The following HCN2 variants were observed in gnomAD, a reference collection of about 807,000 sequenced individuals.
HCN2 encodes potassium/sodium hyperpolarization-activated cyclic nucleotide-gated channel 2.
HCN2 carries 20 observed loss-of-function variants against 52.3 expected under a neutral mutation model. The ratio of observed to expected loss-of-function variants is 0.38; its 90% CI spans 0.27 to 0.56. HCN2 has a LOEUF of 0.56. Among genes scored for constraint, HCN2 ranks in the 20% least tolerant of loss-of-function variants. The pLI is 0.71. For missense variants in HCN2, 981 were observed against 1,207.7 expected (o/e 0.81, Z 2.78); for synonymous variants, 694 against 537.0 (o/e 1.29, Z -4.04).
chr19:612,382 A>C (rs983047782), intron 5 of HCN2, among the ~76,000 whole-genome samples: 2 of 127,484 alleles, frequency 1.6e-5, no homozygotes, highest in Non-Finnish European at 3.4e-5. Flanking sequence ...GACCGAATGT[A>C]GCTTTCCACT....
At position 603,722 on chromosome 19, in the gene HCN2, G is replaced by A. The variant is rs766829743; in HGVS notation, c.811G>A (p.Asp271Asn). The A allele has an allele frequency of 6.2e-7, 1 of 1,612,856 alleles. No homozygotes were observed. The highest frequency in any genetic ancestry group is 1.7e-5 in the Admixed American group (1 of 59,994). ...LNFRTGIVIE[D>N]NTEIILDPEK... ...CTTCCGCACCGGCATTGTGATCGAG[G>A]ACAACACGGAGATCATCCTGGACCC... Residue 271 changes from aspartate (D) to asparagine (N), a missense_variant, in exon 2 of 8, where the codon GAC becomes AAC. Asp to Asn is a conservative substitution (Grantham distance 23). Coordinates refer to ENST00000251287, the MANE Select transcript of HCN2 (RefSeq NM_001194.4).
rs1156621709 is a variant in HCN2, at chr19:590,184, G to C, written c.239G>C (p.Ser80Thr). Residue 80 changes from serine to threonine, a missense_variant, in exon 1 of 8, where the codon AGC (serine) becomes ACC (threonine). Coordinates refer to ENST00000251287, the MANE Select transcript of HCN2 (RefSeq NM_001194.4). This position sits in a 1 kb window ranked among gnomAD's most constrained non-coding sequence, Gnocchi z 7.2. ...CGGGGCCGGCTCCGCAGCCGCGACAGCTCGTGCGGCCGCCCCGGCACCCCG... is the reference window on the plus strand; with the variant it reads ...CGGGGCCGGCTCCGCAGCCGCGACACCTCGTGCGGCCGCCCCGGCACCCCG... ...GPRGRLRSRD[S>T]SCGRPGTPGA... The C allele has an allele frequency of 3.1e-6, 3 of 981,170 alleles. No homozygotes were observed. The highest frequency in any genetic ancestry group is 1.2e-6 in the Non-Finnish European group (1 of 829,404). The allele number at this position is 981,170 out of a possible 1,614,324, so 60.8% of individuals were successfully genotyped here. A position where few individuals can be genotyped will look rare whatever the true frequency, so the allele number is the denominator to read the frequency against.
chr19:609,115 C>T (rs1054028456), intron 4 of HCN2, among the ~76,000 whole-genome samples: 5 of 152,204 alleles, frequency 3.3e-5, no homozygotes, highest in African/African-American at 4.8e-5. Flanking sequence ...CCGTGCCAGG[C>T]GCCCTGCTGT....
intron 3 of HCN2, 150 bp from the exon 4 acceptor site, chr19:607,814 C>T (rs923867064): frequency 1.6e-6 from 1 of 623,080 alleles, no homozygotes; most frequent in Non-Finnish European, 2.9e-6. Context: ...ATGTCATCTA[C>T]CTGGGTCTCC....
At position 591,052 on chromosome 19, in the gene HCN2, C is replaced by T. The variant is rs1309920013; in HGVS notation, c.632+475C>T. On this transcript the variant is annotated intron_variant, in intron 1 of 7. Coordinates refer to ENST00000251287, the MANE Select transcript of HCN2 (RefSeq NM_001194.4). This position sits in a 1 kb window ranked among gnomAD's most constrained non-coding sequence, Gnocchi z 4.1. Reference sequence around the variant, plus strand: ...GCCTGCGAGGAGGCGCGCCCGGGGCCGCGGGCCTGGAAAGCGTGCGGGTCC... The same window carrying T: ...GCCTGCGAGGAGGCGCGCCCGGGGCTGCGGGCCTGGAAAGCGTGCGGGTCC... 1.3e-5 allele frequency: 2 copies of T among 152,118 alleles called. No individual in the cohort carries two copies. The highest frequency in any genetic ancestry group is 2.9e-5 in the Non-Finnish European group (2 of 68,024). The allele number at this position is 152,118 out of a possible 1,614,324, so 9.4% of individuals were successfully genotyped here.
intron 7 of HCN2, among the ~76,000 whole-genome samples, chr19:615,225 T>A (rs1432342032): frequency 6.6e-6 from 1 of 150,590 alleles, no homozygotes; most frequent in Admixed American, 6.6e-5. Context: ...AATACCTGTT[T>A]ACTGCCAGGC....
intron 7 of HCN2, among the ~76,000 whole-genome samples, chr19:615,275 C>A (rs1489595890): frequency 1.3e-5 from 2 of 151,978 alleles, no homozygotes; most frequent in East Asian, 1.9e-4. Flanking sequence ...TTTCGGAGGC[C>A]AAGGTGGGTG....
rs1276999935 is a variant in HCN2, at chr19:613,578, CGGGGATGGGGATGGGGATGGGGATGG to C, written c.1825+93_1825+118del. On this transcript the variant is annotated intron_variant, in intron 6 of 7. Coordinates refer to ENST00000251287, the MANE Select transcript of HCN2 (RefSeq NM_001194.4). ...AGGGGGCCGGGGCCGGGGCCGGGGC[CGGGGATGGGGATGGGGATGGGGATGG>C]GGCCGGGGATGGGGATGGGGATGGG... The C allele has an allele frequency of 2.7e-5, 6 of 219,544 alleles. 1 individual carries two copies. Among genetic ancestry groups the C allele is most frequent in the Admixed American group, 1.6e-4 (2 of 12,332 alleles). The allele number at this position is 219,544 out of a possible 1,614,324, so 13.6% of individuals were successfully genotyped here.
At chr19:615,579 T>C (rs1018572826) in intron 7 of HCN2, among the ~76,000 whole-genome samples, 19 of 152,100 alleles carry the variant, frequency 1.2e-4, no homozygotes, top group Non-Finnish European at 2.8e-4. Flanking sequence ...TGGCTGTGCA[T>C]AGCAGGTGCT....
At chr19:604,503 G>A (rs932667709) in intron 2 of HCN2, among the ~76,000 whole-genome samples, 5 of 146,506 alleles carry the variant, frequency 3.4e-5, no homozygotes, top group East Asian at 2.2e-4. Flanking sequence ...ATCTGGGTGG[G>A]GTCAAGGAGC....
At chr19:613,738 C>T (rs1247522930) in intron 6 of HCN2, 114 bp from the exon 7 acceptor site, 2 of 1,036,034 alleles carry the variant, frequency 1.9e-6, no homozygotes, top group African/African-American at 2.1e-5. Flanking sequence ...CAGGGAGAGC[C>T]TGGGTGGGAA....
At chr19:606,011 TATG>T (rs958277168) in intron 3 of HCN2, among the ~76,000 whole-genome samples, 4 of 152,220 alleles carry the variant, frequency 2.6e-5, no homozygotes, top group African/African-American at 7.2e-5. Context: ...TGAGTGTGGT[TATG>T]ATGAGTCCTG....
At chr19:603,316 A>G (rs370070268) in intron 1 of HCN2, among the ~76,000 whole-genome samples, 42 of 29,876 alleles carry the variant, frequency 1.4e-3, no homozygotes, top group Admixed American at 4.2e-3. Flanking sequence ...CCAGGGAGGA[A>G]TGCCCGGGGC....
chr19:612,723 C>A (rs933761551), intron 5 of HCN2, among the ~76,000 whole-genome samples: 7 of 140,148 alleles, frequency 5.0e-5, no homozygotes, highest in Admixed American at 2.2e-4. Flanking sequence ...CCTTATTTTT[C>A]CCCCATTTTC....
intron 2 of HCN2, among the ~76,000 whole-genome samples, chr19:604,607 A>AC (rs1367663544): frequency 1.9e-5 from 1 of 53,734 alleles, no homozygotes; most frequent in Non-Finnish European, 3.6e-5. Flanking sequence ...CCGAGTGGAG[A>AC]TATGAGGGTT....
intron 5 of HCN2, among the ~76,000 whole-genome samples, chr19:610,774 A>T (rs1435560087): frequency 6.6e-6 from 1 of 152,170 alleles, no homozygotes; most frequent in Non-Finnish European, 1.5e-5. Flanking sequence ...CTGTTCCGGT[A>T]GCCTGAGTGA....
chr19:611,469 G>A (rs747411986), intron 5 of HCN2, among the ~76,000 whole-genome samples: 48 of 152,314 alleles, frequency 3.2e-4, no homozygotes, highest in East Asian at 2.7e-3. Flanking sequence ...GGAGCTGGGC[G>A]AGGAGGCGGG....
At chr19:593,071 G>A (rs759045031) in intron 1 of HCN2, among the ~76,000 whole-genome samples, 14 of 152,190 alleles carry the variant, frequency 9.2e-5, no homozygotes, top group Non-Finnish European at 4.4e-5. Flanking sequence ...AGAGTGCTGT[G>A]CTCCTTGCCC....
In HCN2 at chr19:616,842, G is replaced by A. The variant is rs1385792436; in HGVS notation, c.*368G>A. 21 of 155,124 alleles carry A rather than the reference G, an allele frequency of 1.4e-4. No individual in the cohort carries two copies. The highest frequency in any genetic ancestry group is 6.9e-5 in the Admixed American group (1 of 14,528). 9.6% of individuals were successfully genotyped at this position (155,124 alleles called of 1,614,324 possible). On this transcript the variant is annotated 3_prime_UTR_variant, in exon 8 of 8. Transcript: ENST00000251287. ...GCCCCCCACCCTCTAGGTGGCCCCCGTCCGAGGAGGATCGTTTTCTAAGTG... is the reference window on the plus strand; with the variant it reads ...GCCCCCCACCCTCTAGGTGGCCCCCATCCGAGGAGGATCGTTTTCTAAGTG...
Sources: allele counts gnomAD v4.1 joint callset (sites outside exome capture counted in the v4.1 genomes callset), GRCh38; gene constraint gnomAD v4.1.1; non-coding constraint Gnocchi (gnomAD v3.1); transcripts MANE v1.5; gene names NCBI Gene and HGNC (gene_info 2026-07-23, HGNC 2026-07-21).